Variants in CDC42SE2 observed in about 807,000 individuals in gnomAD.
The protein encoded by CDC42SE2 is CDC42 small effector protein 2.
In CDC42SE2, 3 loss-of-function variants were observed where a neutral mutation model predicts 11.5. That is an observed-to-expected ratio of 0.26 (90% CI 0.12 to 0.67). The LOEUF is 0.67. Among genes scored for constraint, CDC42SE2 ranks in the 30% least tolerant of loss-of-function variants. The pLI is 0.80. For synonymous variants in CDC42SE2, 33 were observed against 34.8 expected, an observed-to-expected ratio of 0.95 and a Z score of 0.18; for missense variants, 82 against 106.8, an observed-to-expected ratio of 0.77 and a Z score of 1.02.
At chr5:131,324,889 A>C (rs1057234233) in intron 2 of CDC42SE2, among the ~76,000 whole-genome samples, 8 of 152,228 alleles carry the variant, frequency 5.3e-5, no homozygotes, top group African/African-American at 1.9e-4. Flanking sequence ...TTGTCAGATA[A>C]AGTTTAGAAA....
At chr5:131,260,827 G>A (rs1317129733), upstream of CDC42SE2, among the ~76,000 whole-genome samples, 1 of 152,136 alleles carries the variant, frequency 6.6e-6, no homozygotes, top group Non-Finnish European at 1.5e-5. Flanking sequence ...CCACCTACTT[G>A]GGAAGCTGAG....
intron 2 of CDC42SE2, among the ~76,000 whole-genome samples, chr5:131,329,756 G>A (rs1481983528): frequency 2.0e-5 from 3 of 151,304 alleles, no homozygotes; most frequent in African/African-American, 7.3e-5. Flanking sequence ...GTGGGCCCCT[G>A]TAATCCCAGC....
intron 1 of CDC42SE2, among the ~76,000 whole-genome samples, chr5:131,296,167 C>T (rs1346445871): frequency 6.6e-6 from 1 of 152,102 alleles, no homozygotes; most frequent in Non-Finnish European, 1.5e-5. Flanking sequence ...TTAATAGAAA[C>T]GTGGATTCCG....
intron 1 of CDC42SE2, among the ~76,000 whole-genome samples, chr5:131,305,042 TAGG>T (rs1404962897): frequency 6.6e-6 from 1 of 152,094 alleles, no homozygotes; most frequent in Non-Finnish European, 1.5e-5. Context: ...CCCACATTCC[TAGG>T]AGATTAGCTG....
rs1309246161 is a variant in CDC42SE2, at chr5:131,312,647, C to G, written c.-454-3329C>G. Among the ~76,000 whole-genome samples the G allele has an allele frequency of 2.0e-5, 3 of 152,204 alleles. No homozygotes were observed. In the East Asian group the frequency reaches 5.8e-4, roughly 29 times the overall value. ...GCGCGGGATATAATCTCGTGGTGCG[C>G]TGTTTTTTAAGCCCCTCGGAAAAGC... is the stretch of plus-strand genomic sequence containing the variant. On this transcript the variant is annotated intron_variant, in intron 1 of 4. Coordinates refer to ENST00000505065, the MANE Select transcript of CDC42SE2 (RefSeq NM_001375635.1).
chr5:131,358,330 A>C (rs1465075365), intron 2 of CDC42SE2, among the ~76,000 whole-genome samples: 1 of 152,128 alleles, frequency 6.6e-6, no homozygotes, highest in Non-Finnish European at 1.5e-5. Flanking sequence ...GCACAGGTGA[A>C]ACTGATCTTA....
chr5:131,384,815 G>A (rs1286630022), intron 3 of CDC42SE2, among the ~76,000 whole-genome samples: 1 of 151,208 alleles, frequency 6.6e-6, no homozygotes, highest in Non-Finnish European at 1.5e-5. Flanking sequence ...AGGCGTAGTG[G>A]TGCGTGCCTG....
In CDC42SE2 at chr5:131,313,196, A is replaced by C. The variant is rs140036588; in HGVS notation, c.-454-2780A>C. On this transcript the variant is annotated intron_variant, in intron 1 of 4. Coordinates refer to ENST00000505065, the MANE Select transcript of CDC42SE2 (RefSeq NM_001375635.1). Reference sequence around the variant, plus strand: ...GCGGGGTTTTGCCATGTTAGCCAGGATGGTCTCCATCTCCTGACCTCGTGA... The same window carrying C: ...GCGGGGTTTTGCCATGTTAGCCAGGCTGGTCTCCATCTCCTGACCTCGTGA... 4.9e-3 allele frequency among the ~76,000 whole-genome samples: 746 copies of C among 151,892 alleles called. 4 individuals are homozygous for C. Among genetic ancestry groups the C allele is most frequent in the African/African-American group, 0.017 (684 of 41,430 alleles).
At chr5:131,338,151 A>G (rs1024531083) in intron 2 of CDC42SE2, among the ~76,000 whole-genome samples, 7 of 152,236 alleles carry the variant, frequency 4.6e-5, no homozygotes, top group Admixed American at 4.6e-4. Context: ...TGTGTTATAT[A>G]TGAACAAGTA....
At chr5:131,278,737 CCCTCCCCCT>C in intron 1 of CDC42SE2, among the ~76,000 whole-genome samples, 1 of 4,676 alleles carries the variant, frequency 2.1e-4, no homozygotes, top group Non-Finnish European at 3.6e-4. Context: ...CCCTCCCCTC[CCCTCCCCCT>C]CCCCTCCCCT....
At chr5:131,333,188 G>C (rs1274781759) in intron 2 of CDC42SE2, among the ~76,000 whole-genome samples, 4 of 152,024 alleles carry the variant, frequency 2.6e-5, no homozygotes, top group Non-Finnish European at 5.9e-5. Flanking sequence ...CTACGTATGG[G>C]TAGCCAGTTT....
intron 1 of CDC42SE2, among the ~76,000 whole-genome samples, chr5:131,289,894 G>A (rs1407784228): frequency 1.3e-5 from 2 of 151,830 alleles, no homozygotes; most frequent in Non-Finnish European, 2.9e-5. Context: ...AGCTGTAGTA[G>A]AGTGGCACAG....
At chr5:131,375,938 C>A (rs1451633290) in intron 3 of CDC42SE2, among the ~76,000 whole-genome samples, 1 of 152,094 alleles carries the variant, frequency 6.6e-6, no homozygotes, top group East Asian at 1.9e-4. Context: ...GACCTGGACA[C>A]TGTTAAGACT....
intron 2 of CDC42SE2, among the ~76,000 whole-genome samples, chr5:131,332,522 A>G (rs1348693416): frequency 1.3e-5 from 2 of 152,082 alleles, no homozygotes; most frequent in Admixed American, 6.5e-5. Context: ...TTCTAGTTCT[A>G]GATCCCTGAG....
rs890056501 is a variant in CDC42SE2 at position 131,394,306 on chromosome 5, C to G, written c.*3215C>G. ...CTGCATTCTGTAAAAGAGGTACTTTCCCATGATGTAGGCATGAAGTGGTGC... is the reference window on the plus strand; with the variant it reads ...CTGCATTCTGTAAAAGAGGTACTTTGCCATGATGTAGGCATGAAGTGGTGC... On this transcript the variant is annotated 3_prime_UTR_variant, in exon 5 of 5. Transcript: ENST00000505065. 1 of 152,302 alleles carries G rather than the reference C, an allele frequency of 6.6e-6. No individual in the cohort carries two copies. The highest frequency in any genetic ancestry group is 6.5e-5 in the Admixed American group (1 of 15,278). 9.4% of individuals were successfully genotyped at this position (152,302 alleles called of 1,614,324 possible).
intron 3 of CDC42SE2, among the ~76,000 whole-genome samples, chr5:131,362,338 A>G (rs1208085794): frequency 1.3e-5 from 2 of 152,196 alleles, no homozygotes; most frequent in African/African-American, 2.4e-5. Context: ...ATAAAACTTA[A>G]TGGGGCTTTG....
At chr5:131,363,140 C>G (rs1337041662) in intron 3 of CDC42SE2, among the ~76,000 whole-genome samples, 1 of 147,542 alleles carries the variant, frequency 6.8e-6, no homozygotes, top group Non-Finnish European at 1.5e-5. Context: ...AAGACTCTAT[C>G]TAAAAAAAAA....
At chr5:131,278,600 CAA>C (rs1299336125) in intron 1 of CDC42SE2, among the ~76,000 whole-genome samples, 1 of 149,938 alleles carries the variant, frequency 6.7e-6, no homozygotes, top group Non-Finnish European at 1.5e-5. Flanking sequence ...GCCCTTTTCT[CAA>C]AGAGGTGGTC....
intron 1 of CDC42SE2, among the ~76,000 whole-genome samples, chr5:131,313,391 A>T (rs1757972666): frequency 6.6e-6 from 1 of 152,044 alleles, no homozygotes; most frequent in Non-Finnish European, 1.5e-5. Flanking sequence ...TGAAATTATT[A>T]CTTTGTCTTT....
Sources: allele counts gnomAD v4.1 joint callset (sites outside exome capture counted in the v4.1 genomes callset), GRCh38; gene constraint gnomAD v4.1.1; transcripts MANE v1.5; gene names NCBI Gene and HGNC (gene_info 2026-07-23, HGNC 2026-07-21).